The following NSUN4 variants were observed in gnomAD, a reference collection of about 807,000 sequenced individuals.
NSUN4 encodes 5-cytosine rRNA methyltransferase NSUN4.
NSUN4 carries 31 observed loss-of-function variants against 43.8 expected under a neutral mutation model. The observed-to-expected ratio is 0.71, with a 90% CI of 0.53 to 0.96. The LOEUF (loss-of-function observed/expected upper bound fraction) is 0.96. Among genes scored for constraint, NSUN4 ranks in the 40% least tolerant of loss-of-function variants. The probability of loss-of-function intolerance (pLI) is 0.00; values close to 1 mark genes in which losing one functional copy is unlikely to be tolerated. For missense variants in NSUN4, 439 were observed against 475.6 expected, an observed-to-expected ratio of 0.92 and a Z score of 0.72; for synonymous variants, 167 against 184.1, an observed-to-expected ratio of 0.91 and a Z score of 0.75.
chr1:46,376,712 A>ATGTGTGTGTG, the NSUN4 span, among the ~76,000 whole-genome samples: 2 of 148,392 alleles, frequency 1.3e-5, no homozygotes, highest in African/African-American at 2.5e-5. Flanking sequence ...TTTAGAGAGC[A>ATGTGTGTGTG]TGTGTGTGTG....
chr1:46,384,702 T>C, the NSUN4 span, among the ~76,000 whole-genome samples: 5 of 152,172 alleles, frequency 3.3e-5, no homozygotes, highest in South Asian at 8.3e-4. Flanking sequence ...CTGATGATAA[T>C]GGCACTTGCT....
chr1:46,354,101 T>G (rs1663196485), intron 4 of NSUN4, among the ~76,000 whole-genome samples: 2 of 143,300 alleles, frequency 1.4e-5, no homozygotes, highest in South Asian at 4.2e-4. Flanking sequence ...CCATATTAAT[T>G]TTTTTAAAGT....
At chr1:46,365,744 A>T (rs1056007058), downstream of NSUN4, among the ~76,000 whole-genome samples, 1 of 152,154 alleles carries the variant, frequency 6.6e-6, no homozygotes, top group African/African-American at 2.4e-5. Context: ...TCCAAAGTGG[A>T]TCTACCATTT....
At chr1:46,349,133 T>G (rs1396846276) in intron 3 of NSUN4, among the ~76,000 whole-genome samples, 4 of 127,016 alleles carry the variant, frequency 3.1e-5, no homozygotes, top group Non-Finnish European at 7.2e-5. Context: ...TTTTTTTTGG[T>G]TTGTTTTTTT....
At chr1:46,372,408 G>C in the NSUN4 span, among the ~76,000 whole-genome samples, 3 of 152,082 alleles carry the variant, frequency 2.0e-5, no homozygotes, top group Admixed American at 2.0e-4. Flanking sequence ...CTCCCAAAAT[G>C]CTGGGGTTAC....
At chr1:46,380,043 C>T in the NSUN4 span, among the ~76,000 whole-genome samples, 2 of 152,108 alleles carry the variant, frequency 1.3e-5, no homozygotes, top group South Asian at 2.1e-4. Context: ...CTTTAGTAGG[C>T]CCCTGGGAAA....
downstream of NSUN4, among the ~76,000 whole-genome samples, chr1:46,365,992 G>A (rs955154787): frequency 6.6e-6 from 1 of 152,116 alleles, no homozygotes; most frequent in Non-Finnish European, 1.5e-5. Flanking sequence ...GCCGGGTGTG[G>A]TGGCACATAC....
intron 3 of NSUN4, among the ~76,000 whole-genome samples, chr1:46,352,542 G>A (rs566389): frequency 1.5e-3 from 233 of 150,928 alleles, no homozygotes; most frequent in African/African-American, 5.5e-3. Context: ...GAAGAAAGGC[G>A]AAAGTAATGG....
chr1:46,341,935 C>T (rs1331224890), intron 1 of NSUN4: 13 of 1,232,806 alleles, frequency 1.1e-5, no homozygotes, highest in Non-Finnish European at 1.1e-5. Context: ...GGAACCAGCC[C>T]GGCAACCTCC....
intron 4 of NSUN4, among the ~76,000 whole-genome samples, chr1:46,354,231 C>T (rs945370207): frequency 2.6e-5 from 4 of 151,936 alleles, no homozygotes; most frequent in East Asian, 1.9e-4. Context: ...CTCAGTTTCC[C>T]GAGTAGCTGG....
chr1:46,356,330 C>G (rs1163437224), intron 4 of NSUN4, among the ~76,000 whole-genome samples: 1 of 152,032 alleles, frequency 6.6e-6, no homozygotes, highest in Non-Finnish European at 1.5e-5. Flanking sequence ...CTCAGCCCCC[C>G]AAAGCATTAG....
rs1662709580 is a variant in NSUN4 at position 46,348,690 on chromosome 1, CAA to C, written c.592+1616_592+1617del. Among the ~76,000 whole-genome samples the C allele has an allele frequency of 4.0e-5, 3 of 74,644 alleles. No individual in the cohort carries two copies. The South Asian group carries it at 1.6e-3, about 40-fold the overall frequency. The allele number at this position is 74,644 out of a possible 152,430, so 49.0% of individuals were successfully genotyped here. ...CGCCATTGCACTTCCGCTTGGGCAA[CAA>C]GAGCAAAACTCTGTCTCAAAAAAAA... On this transcript the variant is annotated intron_variant, in intron 3 of 5. Transcript: ENST00000474844.
At chr1:46,341,287 C>T (rs11579255) in intron 1 of NSUN4, 314,354 of 1,010,308 alleles carry the variant, frequency 0.31, 50,809 homozygotes, top group East Asian at 0.47. Flanking sequence ...CCATTCTTCC[C>T]CCACATGACT....
chr1:46,352,858 A>G lies in NSUN4; in HGVS notation c.593-10A>G, dbSNP rs747764857. The stretch of plus-strand genomic sequence containing the variant: ...GGGTCATGGCCTCTGAAGTATCTTT[A>G]TTTCCATAGGCAATCTTGCTGCCAA... On this transcript the variant is annotated splice_polypyrimidine_tract_variant and intron_variant, in intron 3 of 5. Transcript: ENST00000474844. 1 of 1,613,604 alleles carries G rather than the reference A, an allele frequency of 6.2e-7. No individual in the cohort carries two copies. The highest frequency in any genetic ancestry group is 1.1e-5 in the South Asian group (1 of 91,064).
chr1:46,353,472 C>T (rs1055363134), intron 4 of NSUN4, among the ~76,000 whole-genome samples: 2 of 151,678 alleles, frequency 1.3e-5, no homozygotes, highest in African/African-American at 2.4e-5. Context: ...CTATAGATAA[C>T]GATTGTTTCT....
At chr1:46,381,531 G>A in the NSUN4 span, among the ~76,000 whole-genome samples, 1 of 152,132 alleles carries the variant, frequency 6.6e-6, no homozygotes, top group African/African-American at 2.4e-5. Context: ...CATCATTTCA[G>A]CAAACACAAG....
At chr1:46,359,843 A>AC (rs1476442636) in intron 4 of NSUN4, among the ~76,000 whole-genome samples, 8 of 152,100 alleles carry the variant, frequency 5.3e-5, no homozygotes, top group South Asian at 2.1e-4. Flanking sequence ...CTATTGGAGT[A>AC]TAATACAGAA....
chr1:46,359,087 G>A (rs1309785008), intron 4 of NSUN4, among the ~76,000 whole-genome samples: 7 of 151,964 alleles, frequency 4.6e-5, no homozygotes, highest in African/African-American at 1.2e-4. Flanking sequence ...GCAAAACCCC[G>A]TCTGTACTAA....
At chr1:46,341,830 T>TGA in intron 1 of NSUN4, 3 of 1,232,870 alleles carry the variant, frequency 2.4e-6, no homozygotes, top group Non-Finnish European at 3.0e-6. Context: ...TGCAGCTGGA[T>TGA]GAGTCCCTCC....
Sources: gnomAD v4.1 joint callset for allele counts (sites outside exome capture counted in the v4.1 genomes callset) on GRCh38, gnomAD v4.1.1 for gene constraint, MANE v1.5 for transcripts, NCBI Gene and HGNC (gene_info 2026-07-23, HGNC 2026-07-21) for gene names.